BAHD1: variants seen among roughly 807,000 people sequenced by gnomAD.
BAHD1 encodes the protein bromo adjacent homology domain-containing 1 protein.
Under a neutral mutation model 63.1 loss-of-function variants are expected in BAHD1, and 20 were observed. The ratio of observed to expected loss-of-function variants is 0.32; its 90% CI spans 0.22 to 0.46. The LOEUF is 0.46. Ranked by LOEUF, BAHD1 falls within the 20% of genes least tolerant of loss-of-function variation. The probability of loss-of-function intolerance (pLI) is 1.00; values close to 1 mark genes in which losing one functional copy is unlikely to be tolerated. For missense variants in BAHD1, 939 were observed against 1,071.8 expected (o/e 0.88, Z 1.73); for synonymous variants, 408 against 426.8 (o/e 0.96, Z 0.54).
At chr15:40,444,524 GTTT>G (rs1893483719) in intron 1 of BAHD1, among the ~76,000 whole-genome samples, 1 of 152,134 alleles carries the variant, frequency 6.6e-6, no homozygotes, top group Non-Finnish European at 1.5e-5. Flanking sequence ...ATGAATCCAT[GTTT>G]TATCTCTTCT....
chr15:40,444,569 A>G (rs1057267673), intron 1 of BAHD1, among the ~76,000 whole-genome samples: 1 of 152,172 alleles, frequency 6.6e-6, no homozygotes, highest in Non-Finnish European at 1.5e-5. Flanking sequence ...AGAAAACACA[A>G]TTCTGAGCAC....
intron 1 of BAHD1, among the ~76,000 whole-genome samples, chr15:40,453,161 T>G (rs1272302375): frequency 2.6e-5 from 4 of 152,166 alleles, no homozygotes; most frequent in African/African-American, 9.7e-5. Context: ...TTTTGGTATA[T>G]CCATCTTAGA....
intron 5 of BAHD1, 68 bp downstream of exon 5, chr15:40,464,615 G>A (rs901130885): frequency 8.1e-6 from 11 of 1,364,940 alleles, no homozygotes; most frequent in African/African-American, 2.9e-5. Flanking sequence ...GCACTAAGAC[G>A]TGGTAGGGGG....
chr15:40,460,323 C>G (rs960717212), intron 2 of BAHD1, among the ~76,000 whole-genome samples: 2 of 152,162 alleles, frequency 1.3e-5, no homozygotes, highest in African/African-American at 4.8e-5. Flanking sequence ...TTTCTAGAAA[C>G]CAGTACTCTC....
chr15:40,465,229 A>C, intron 5 of BAHD1, 106 bp from the exon 6 acceptor site: 1 of 933,008 alleles, frequency 1.1e-6, no homozygotes, highest in South Asian at 1.5e-5. Context: ...AGCTTGCTGG[A>C]GTCATCTCAG....
At position 40,458,658 on chromosome 15, in the gene BAHD1, A is replaced by C; in HGVS notation, c.194A>C (p.Glu65Ala). Reference sequence around the variant, plus strand: ...CTTCGTAAGCGCCCATTGGTTCCTGAGAAGCCCAAGGCCTGCAAAGTGCTG... The same window carrying C: ...CTTCGTAAGCGCCCATTGGTTCCTGCGAAGCCCAAGGCCTGCAAAGTGCTG... Reference protein sequence around the residue: ...YPLRKRPLVPEKPKACKVLLT... With the variant: ...YPLRKRPLVPAKPKACKVLLT... Residue 65 changes from glutamate (E) to alanine (A), a missense_variant, in exon 2 of 7, where the codon GAG becomes GCG. Physicochemically the swap from Glu to Ala is moderately radical, Grantham distance 107. This residue lies in a region of BAHD1 where 797 missense variants were observed against 813.3 expected (regional missense o/e 0.98). Coordinates refer to ENST00000416165, the MANE Select transcript of BAHD1 (RefSeq NM_014952.5). The surrounding 1 kb of genome is among the most constrained non-coding windows in gnomAD (Gnocchi z 4.7). 1 of 1,613,834 alleles carries C rather than the reference A, an allele frequency of 6.2e-7. No individual in the cohort carries two copies. The highest frequency in any genetic ancestry group is 2.2e-5 in the East Asian group (1 of 44,872).
chr15:40,466,220 C>T lies in BAHD1; in HGVS notation c.*90C>T. On this transcript the variant is annotated 3_prime_UTR_variant, in exon 7 of 7. Transcript: ENST00000416165. ...GAAGCACAGCACTTGGTTAGGGGGC[C>T]ACAGAGGCCTAAGTTTGCTGGCCTG... 7.6e-7 allele frequency: 1 copy of T among 1,307,400 alleles called. No individual in the cohort carries two copies. Among genetic ancestry groups the T allele is most frequent in the South Asian group, 1.5e-5 (1 of 67,450 alleles). 81.0% of individuals were successfully genotyped at this position (1,307,400 alleles called of 1,614,324 possible).
chr15:40,443,195 C>A, intron 1 of BAHD1: 6 of 943,440 alleles, frequency 6.4e-6, no homozygotes, highest in Non-Finnish European at 7.6e-6. Flanking sequence ...TGTAATCCCA[C>A]CTGGGAAAGC....
chr15:40,464,191 AC>A lies in BAHD1; in HGVS notation c.1975+173del, dbSNP rs1057129139. On this transcript the variant is annotated intron_variant, in intron 4 of 6. Coordinates refer to ENST00000416165, the MANE Select transcript of BAHD1 (RefSeq NM_014952.5). ...TCTCTGCTGCCGAGGGCTGTGGGTGACCTTGTGGCTTGGGTTGGATCAGCTC... is the reference window on the plus strand; with the variant it reads ...TCTCTGCTGCCGAGGGCTGTGGGTGACTTGTGGCTTGGGTTGGATCAGCTC... The A allele has an allele frequency of 8.1e-5, 67 of 824,800 alleles. No individual in the cohort carries two copies. The African/African-American group carries it at 1.0e-3, about 13-fold the overall frequency. 51.1% of individuals were successfully genotyped at this position (824,800 alleles called of 1,614,324 possible).
chr15:40,444,653 G>A (rs1893487130), intron 1 of BAHD1, among the ~76,000 whole-genome samples: 1 of 152,050 alleles, frequency 6.6e-6, no homozygotes, highest in Non-Finnish European at 1.5e-5. Context: ...GTGTTTATGG[G>A]GGCATCACCA....
chr15:40,440,474 T>C (rs1055275748), upstream of BAHD1, among the ~76,000 whole-genome samples: 1 of 151,098 alleles, frequency 6.6e-6, no homozygotes, highest in Non-Finnish European at 1.5e-5. Context: ...GGATGGGGTG[T>C]TCCTCGGCCC....
chr15:40,464,001 C>G lies in BAHD1; in HGVS notation c.1956C>G (p.Leu652=). The G allele has an allele frequency of 6.2e-7, 1 of 1,614,208 alleles. No homozygotes were observed. Among genetic ancestry groups the G allele is most frequent in the Non-Finnish European group, 8.5e-7 (1 of 1,180,030 alleles). The change falls in exon 4 of 7, where the codon CTC becomes CTG. Residue 652 remains leucine, a synonymous_variant. Transcript: ENST00000416165. The part of the protein sequence containing the change: ...STPYVAKISA[L]WENPESGELM... ...CTTATGTGGCCAAGATCTCTGCCCT[C>G]TGGGAGAACCCCGAGTCAGGTACCT... is the stretch of plus-strand genomic sequence containing the variant.
At chr15:40,447,857 A>G (rs1893587962) in intron 1 of BAHD1, among the ~76,000 whole-genome samples, 1 of 152,166 alleles carries the variant, frequency 6.6e-6, no homozygotes. Context: ...TTCTGGATTT[A>G]CTATAAAATC....
Position 40,458,439 on chromosome 15 carries a change from T to C in BAHD1, c.-14-12T>C. 1 of 1,536,838 alleles carries C rather than the reference T, an allele frequency of 6.5e-7. No homozygotes were observed. Among genetic ancestry groups the C allele is most frequent in the Non-Finnish European group, 8.8e-7 (1 of 1,139,414 alleles). ...AGAGGGCTTCTCTCATTGCCCACCT[T>C]CTGTCCTGCAGGTTGGAAGTACTCC... On this transcript the variant is annotated splice_polypyrimidine_tract_variant and intron_variant, in intron 1 of 6. Transcript: ENST00000416165. The surrounding 1 kb of genome is among the most constrained non-coding windows in gnomAD (Gnocchi z 4.7).
At chr15:40,450,642 A>C (rs1328294846) in intron 1 of BAHD1, among the ~76,000 whole-genome samples, 1 of 152,082 alleles carries the variant, frequency 6.6e-6, no homozygotes, top group Non-Finnish European at 1.5e-5. Flanking sequence ...CCACATTGTT[A>C]GCTGCTCAGA....
chr15:40,438,812 C>T (rs558041603), upstream of BAHD1, among the ~76,000 whole-genome samples: 41 of 152,338 alleles, frequency 2.7e-4, no homozygotes, highest in Admixed American at 5.2e-4. Flanking sequence ...CTGGCCCTCC[C>T]GGCCTCCATC....
chr15:40,465,276 G>A, intron 5 of BAHD1, 59 bp from the exon 6 acceptor site: 2 of 1,490,066 alleles, frequency 1.3e-6, no homozygotes, highest in South Asian at 1.1e-5. Context: ...TGTCTGCCTT[G>A]CTCTGGGAAT....
At chr15:40,455,594 C>T (rs538511252) in intron 1 of BAHD1, among the ~76,000 whole-genome samples, 14 of 152,330 alleles carry the variant, frequency 9.2e-5, no homozygotes, top group Middle Eastern at 6.8e-3. Flanking sequence ...CTGCTAAGAA[C>T]GCTTCCAGTA....
chr15:40,465,929 A>AT lies in BAHD1; in HGVS notation c.2154-11dup. 6.4e-7 allele frequency: 1 copy of AT among 1,554,026 alleles called. No individual in the cohort carries two copies. The highest frequency in any genetic ancestry group is 8.7e-7 in the Non-Finnish European group (1 of 1,151,650). ...GGCTGGAGTAAAGACAGTGAATGGT[A>AT]TCTCTCTACAGGTTCTGTGCCATGG... On this transcript the variant is annotated splice_polypyrimidine_tract_variant and intron_variant, in intron 6 of 6. Transcript: ENST00000416165.
Sources: gnomAD v4.1 joint callset for allele counts (sites outside exome capture counted in the v4.1 genomes callset) on GRCh38, gnomAD v4.1.1 for gene constraint, gnomAD v4.1.1 regional missense constraint, Gnocchi (gnomAD v3.1) non-coding constraint, MANE v1.5 for transcripts, NCBI Gene and HGNC (gene_info 2026-07-23, HGNC 2026-07-21) for gene names.